The following RASGEF1A variants were observed in gnomAD, a reference collection of about 807,000 sequenced individuals.
The protein encoded by RASGEF1A is RasGEF domain family member 1A.
In RASGEF1A, 18 loss-of-function variants were observed where a neutral mutation model predicts 56.4. The ratio of observed to expected loss-of-function variants is 0.32; its 90% CI spans 0.22 to 0.47. RASGEF1A has a LOEUF of 0.47. Ranked by LOEUF, RASGEF1A falls within the 20% of genes least tolerant of loss-of-function variation. The pLI is 1.00. For missense variants in RASGEF1A, 422 were observed against 627.1 expected (o/e 0.67, Z 3.49); for synonymous variants, 245 against 242.6 (o/e 1.01, Z -0.09).
chr10:43,196,097 C>T lies in RASGEF1A; in HGVS notation c.*147G>A, dbSNP rs1377961750. On this transcript the variant is annotated 3_prime_UTR_variant, in exon 13 of 13. Coordinates refer to ENST00000395810, the MANE Select transcript of RASGEF1A (RefSeq NM_145313.4). The surrounding 1 kb of genome is among the most constrained non-coding windows in gnomAD (Gnocchi z 4.6). ...ACTTTGTAAGTGCCAAAGGTTGATG[C>T]GTGAAATAATTACCATTTTTTTCTC... 1.9e-5 allele frequency: 14 copies of T among 728,990 alleles called. No homozygotes were observed. The highest frequency in any genetic ancestry group is 7.8e-5 in the Admixed American group (3 of 38,482). 45.2% of individuals were successfully genotyped at this position (728,990 alleles called of 1,614,324 possible). A position where few individuals can be genotyped will look rare whatever the true frequency, so the allele number is the denominator to read the frequency against.
At chr10:43,256,204 G>T (rs908064371) in intron 1 of RASGEF1A, among the ~76,000 whole-genome samples, 1 of 152,030 alleles carries the variant, frequency 6.6e-6, no homozygotes, top group Non-Finnish European at 1.5e-5. Context: ...TGCTGAGGGG[G>T]CCTGGAGCCA....
chr10:43,222,511 A>G (rs1426087645), intron 1 of RASGEF1A, among the ~76,000 whole-genome samples: 1 of 152,216 alleles, frequency 6.6e-6, no homozygotes, highest in Non-Finnish European at 1.5e-5. Flanking sequence ...CAAAATCCCA[A>G]AAGGAGCGGC....
rs553900844 is a variant in RASGEF1A at position 43,229,722 on chromosome 10, G to T, written c.-6-23600C>A. 2.1e-6 allele frequency: 3 copies of T among 1,403,958 alleles called. No individual in the cohort carries two copies. In the East Asian group the frequency reaches 9.2e-5, roughly 43 times the overall value. 87.0% of individuals were successfully genotyped at this position (1,403,958 alleles called of 1,614,324 possible). The stretch of plus-strand genomic sequence containing the variant: ...CCAGCGAGCGGCGGCTCCTCTGCCC[G>T]CGAGCCAAGCAAGCACCCACTCCTG... On this transcript the variant is annotated intron_variant, in intron 1 of 12. Transcript: ENST00000395810.
intron 1 of RASGEF1A, among the ~76,000 whole-genome samples, chr10:43,247,073 A>T (rs1192713306): frequency 6.6e-6 from 1 of 152,210 alleles, no homozygotes; most frequent in East Asian, 1.9e-4. Flanking sequence ...CAATTCAATG[A>T]TAAAAAGATA....
chr10:43,203,363 G>T lies in RASGEF1A; in HGVS notation c.256C>A (p.Leu86Met), dbSNP rs774335051. Residue 86 changes from leucine to methionine, a missense_variant, in exon 3 of 13, where the codon CTG becomes ATG. By Grantham distance (15) the Leu-to-Met change is conservative. Transcript: ENST00000395810. Reference sequence around the variant, plus strand: ...CAGATCTGCCCCACGCGGGCCAGCAGGTCATGAGGGGGCATAAAGACCCGG... The same window carrying T: ...CAGATCTGCCCCACGCGGGCCAGCATGTCATGAGGGGGCATAAAGACCCGG... ...SSRVFMPPHD[L>M]LARVGQICVE... 1 of 1,588,062 alleles carries T rather than the reference G, an allele frequency of 6.3e-7. No individual in the cohort carries two copies. Among genetic ancestry groups the T allele is most frequent in the East Asian group, 2.3e-5 (1 of 43,706 alleles).
In RASGEF1A at chr10:43,203,430, G is replaced by A. The variant is rs558403195; in HGVS notation, c.199-10C>T. On this transcript the variant is annotated splice_polypyrimidine_tract_variant and intron_variant, in intron 2 of 12. Transcript: ENST00000395810. ...TGAAGATGTACGTCCTCTGAAGGCAGGAGACGGAGAGAGGGCGGAGGGAGG... is the reference window on the plus strand; with the variant it reads ...TGAAGATGTACGTCCTCTGAAGGCAAGAGACGGAGAGAGGGCGGAGGGAGG... 4.0e-5 allele frequency: 62 copies of A among 1,534,800 alleles called. 1 individual carries two copies. In the South Asian group the frequency reaches 7.3e-4, roughly 18 times the overall value.
At chr10:43,259,924 G>A (rs984615069) in intron 1 of RASGEF1A, among the ~76,000 whole-genome samples, 3 of 152,088 alleles carry the variant, frequency 2.0e-5, no homozygotes, top group Non-Finnish European at 4.4e-5. Context: ...GCAGGGCGGG[G>A]ACGGCAGGAA....
At chr10:43,252,782 T>A (rs28564038) in intron 1 of RASGEF1A, among the ~76,000 whole-genome samples, 2,656 of 152,050 alleles carry the variant, frequency 0.017, 74 homozygotes, top group African/African-American at 0.06. Flanking sequence ...GCTTGCAGGC[T>A]CCCTCTGCTG....
At chr10:43,229,098 G>A (rs1439968225) in intron 1 of RASGEF1A, among the ~76,000 whole-genome samples, 2 of 152,214 alleles carry the variant, frequency 1.3e-5, no homozygotes, top group Non-Finnish European at 2.9e-5. Flanking sequence ...ACCCTACAGC[G>A]CCCTCGCCCT....
intron 8 of RASGEF1A, 31 bp from the exon 9 acceptor site, chr10:43,199,043 G>A (rs377613165): frequency 6.1e-5 from 96 of 1,575,062 alleles, no homozygotes; most frequent in South Asian, 1.9e-4. Context: ...GGTCAGGGCC[G>A]GGGGGGTGGG....
chr10:43,230,611 G>A (rs1840354008), intron 1 of RASGEF1A, among the ~76,000 whole-genome samples: 1 of 152,198 alleles, frequency 6.6e-6, no homozygotes, highest in South Asian at 2.1e-4. Flanking sequence ...CCGCTAGGGA[G>A]GAGCAGGGTA....
At chr10:43,245,684 G>GA (rs1246469997) in intron 1 of RASGEF1A, among the ~76,000 whole-genome samples, 1 of 152,060 alleles carries the variant, frequency 6.6e-6, no homozygotes. Flanking sequence ...AATAGATGCA[G>GA]AAAAATCATT....
intron 1 of RASGEF1A, among the ~76,000 whole-genome samples, chr10:43,247,097 C>T (rs191304245): frequency 9.9e-5 from 15 of 152,280 alleles, no homozygotes; most frequent in Admixed American, 3.3e-4. Flanking sequence ...CAGTTAAAAA[C>T]GGGCAAAGGC....
intron 1 of RASGEF1A, among the ~76,000 whole-genome samples, chr10:43,211,299 G>A (rs868346598): frequency 1.3e-5 from 2 of 152,172 alleles, no homozygotes; most frequent in African/African-American, 2.4e-5. Context: ...CTCTCTGGGG[G>A]CACCATTCGA....
At chr10:43,198,906 C>A (rs377522200) in intron 9 of RASGEF1A, 27 bp downstream of exon 9, 1 of 1,572,720 alleles carries the variant, frequency 6.4e-7, no homozygotes, top group African/African-American at 1.5e-5. Flanking sequence ...GTGCAGCTCG[C>A]AGCTGTGACG....
At chr10:43,260,273 C>T (rs1310350997) in intron 1 of RASGEF1A, among the ~76,000 whole-genome samples, 1 of 151,144 alleles carries the variant, frequency 6.6e-6, no homozygotes, top group Admixed American at 6.6e-5. Flanking sequence ...CAGGGTGGAC[C>T]GAGGGCACCA....
intron 1 of RASGEF1A, among the ~76,000 whole-genome samples, chr10:43,216,216 C>T (rs887715603): frequency 2.6e-5 from 4 of 152,178 alleles, no homozygotes; most frequent in East Asian, 3.9e-4. Flanking sequence ...ACCAGCACCC[C>T]GGGCACATCC....
At chr10:43,248,935 T>C (rs1468007637) in intron 1 of RASGEF1A, among the ~76,000 whole-genome samples, 2 of 151,946 alleles carry the variant, frequency 1.3e-5, no homozygotes, top group Middle Eastern at 3.2e-3. Context: ...ACAAGTGCTG[T>C]GGAAAAAACT....
chr10:43,211,960 C>G (rs1217805381), intron 1 of RASGEF1A, among the ~76,000 whole-genome samples: 1 of 152,170 alleles, frequency 6.6e-6, no homozygotes, highest in Non-Finnish European at 1.5e-5. Flanking sequence ...TGGAGCAGAA[C>G]CAGGTATGTG....
Sources: gnomAD v4.1 joint callset for allele counts (sites outside exome capture counted in the v4.1 genomes callset) on GRCh38, gnomAD v4.1.1 for gene constraint, Gnocchi (gnomAD v3.1) non-coding constraint, MANE v1.5 for transcripts, NCBI Gene and HGNC (gene_info 2026-07-23, HGNC 2026-07-21) for gene names.